Variants in PSPC1 observed in about 807,000 individuals in gnomAD.
The protein encoded by PSPC1 is paraspeckle component 1.
PSPC1 carries 14 observed loss-of-function variants against 51.6 expected under a neutral mutation model. The ratio of observed to expected loss-of-function variants is 0.27; its 90% CI spans 0.18 to 0.42. PSPC1 has a LOEUF of 0.42. Among genes scored for constraint, PSPC1 ranks in the 10% least tolerant of loss-of-function variants. The probability of loss-of-function intolerance (pLI) is 1.00; values close to 1 mark genes in which losing one functional copy is unlikely to be tolerated. For missense variants in PSPC1, 406 were observed against 701.1 expected (o/e 0.58, Z 4.75); for synonymous variants, 193 against 231.9 (o/e 0.83, Z 1.53).
intron 3 of PSPC1, 96 bp downstream of exon 3, chr13:19,759,227 A>G (rs1887384127): frequency 3.2e-6 from 3 of 931,010 alleles, no homozygotes; most frequent in Admixed American, 2.1e-5. Flanking sequence ...CAGATTATAT[A>G]AATAAACAGA....
At chr13:19,716,673 A>G (rs959059038) in intron 6 of PSPC1, among the ~76,000 whole-genome samples, 1 of 152,236 alleles carries the variant, frequency 6.6e-6, no homozygotes, top group African/African-American at 2.4e-5. Flanking sequence ...ATATAATTCT[A>G]GAGAAAAATA....
intron 1 of PSPC1, among the ~76,000 whole-genome samples, chr13:19,778,092 A>G (rs1250442962): frequency 6.6e-6 from 1 of 151,082 alleles, no homozygotes; most frequent in East Asian, 1.9e-4. Context: ...AAATACAAAA[A>G]TTAGCTGGGC....
chr13:19,732,570 A>G (rs1428781911), intron 5 of PSPC1, among the ~76,000 whole-genome samples: 20 of 152,312 alleles, frequency 1.3e-4, no homozygotes, highest in Admixed American at 1.1e-3. Flanking sequence ...ACATAACAGG[A>G]GTTCAGATCA....
chr13:19,780,182 AGGTGGGGGGGGTCAGCCCCCCCGCCC>A (rs1367637915), intron 1 of PSPC1, among the ~76,000 whole-genome samples: 20 of 86,916 alleles, frequency 2.3e-4, no homozygotes, highest in African/African-American at 7.6e-4. Context: ...TCCGGGAGGG[AGGTGGGGGGGGTCAGCCCCCCCGCCC>A]GGCCAGCCAC....
intron 1 of PSPC1, among the ~76,000 whole-genome samples, chr13:19,774,106 A>C (rs1297422112): frequency 6.6e-6 from 1 of 152,210 alleles, no homozygotes; most frequent in Non-Finnish European, 1.5e-5. Flanking sequence ...TAAACTAAAA[A>C]ATATGCTCAT....
chr13:19,742,846 C>G (rs1885572064), intron 4 of PSPC1, among the ~76,000 whole-genome samples: 3 of 152,170 alleles, frequency 2.0e-5, no homozygotes, highest in Non-Finnish European at 4.4e-5. Flanking sequence ...AAACAGGAAT[C>G]ATGACATAAA....
chr13:19,776,802 C>T (rs997645127), intron 1 of PSPC1, among the ~76,000 whole-genome samples: 1 of 151,250 alleles, frequency 6.6e-6, no homozygotes, highest in Non-Finnish European at 1.5e-5. Context: ...CCACCGCGCC[C>T]GGCCTACTAT....
At chr13:19,765,641 T>A (rs1888004490) in intron 2 of PSPC1, among the ~76,000 whole-genome samples, 1 of 151,852 alleles carries the variant, frequency 6.6e-6, no homozygotes, top group Admixed American at 6.6e-5. Flanking sequence ...TTAATTTTTT[T>A]AATTTTTCTT....
At chr13:19,763,667 G>A (rs926446639) in intron 2 of PSPC1, among the ~76,000 whole-genome samples, 1 of 152,082 alleles carries the variant, frequency 6.6e-6, no homozygotes, top group Non-Finnish European at 1.5e-5. Flanking sequence ...AGAAAGGTAG[G>A]GCACTTAGCA....
Position 19,741,677 on chromosome 13 carries a change from T to C in PSPC1, c.968-28A>G, listed in dbSNP as rs769190693. The C allele has an allele frequency of 3.1e-5, 45 of 1,434,478 alleles. No individual in the cohort carries two copies. In the East Asian group the frequency reaches 9.6e-4, roughly 31 times the overall value. 88.9% of individuals were successfully genotyped at this position (1,434,478 alleles called of 1,614,324 possible). A position where few individuals can be genotyped will look rare whatever the true frequency, so the allele number is the denominator to read the frequency against. On this transcript the variant is annotated intron_variant, in intron 4 of 8. Transcript: ENST00000338910. ...ATAAAATAATGACTGCACATTAATA[T>C]TTTTAGTTTCCCTTTCCATATTTTT...
At chr13:19,753,107 C>T (rs932692294) in intron 3 of PSPC1, among the ~76,000 whole-genome samples, 3 of 151,616 alleles carry the variant, frequency 2.0e-5, no homozygotes, top group South Asian at 2.1e-4. Context: ...ATGGCGAAAC[C>T]GCCCCTCTCT....
intron 5 of PSPC1, among the ~76,000 whole-genome samples, chr13:19,731,796 C>T (rs1278227299): frequency 1.3e-5 from 2 of 152,102 alleles, no homozygotes; most frequent in East Asian, 1.9e-4. Context: ...CTGGTAAACA[C>T]AATGCAAATA....
chr13:19,748,559 G>GAA (rs765723476), intron 4 of PSPC1, among the ~76,000 whole-genome samples: 81 of 152,282 alleles, frequency 5.3e-4, no homozygotes, highest in Non-Finnish European at 1.0e-3. Context: ...AGAAAAAACT[G>GAA]AAGTCTAAGG....
intron 6 of PSPC1, among the ~76,000 whole-genome samples, chr13:19,714,375 C>A (rs1881828395): frequency 6.6e-6 from 1 of 152,022 alleles, no homozygotes. Context: ...AATACATTAG[C>A]ATTTTGGATA....
At chr13:19,732,650 G>C (rs1033733140) in intron 5 of PSPC1, among the ~76,000 whole-genome samples, 1 of 152,182 alleles carries the variant, frequency 6.6e-6, no homozygotes, top group Non-Finnish European at 1.5e-5. Flanking sequence ...ACTTTTGGCA[G>C]GGCGCGGTGG....
chr13:19,758,053 G>A (rs965827644), intron 3 of PSPC1, among the ~76,000 whole-genome samples: 7 of 151,984 alleles, frequency 4.6e-5, no homozygotes, highest in Non-Finnish European at 8.8e-5. Flanking sequence ...GGTGGCTCAC[G>A]CCTGTAATCC....
At chr13:19,677,302 GT>G (rs756079176) in intron 7 of PSPC1, among the ~76,000 whole-genome samples, 1 of 151,806 alleles carries the variant, frequency 6.6e-6, no homozygotes, top group Non-Finnish European at 1.5e-5. Context: ...AGGTTTGGAG[GT>G]CATTAAAAAT....
chr13:19,688,810 A>G (rs1004499043), intron 6 of PSPC1, among the ~76,000 whole-genome samples: 3 of 152,170 alleles, frequency 2.0e-5, no homozygotes, highest in South Asian at 2.1e-4. Context: ...ATCTCTTGCA[A>G]TTAATTTATG....
intron 6 of PSPC1, among the ~76,000 whole-genome samples, chr13:19,714,469 A>C (rs1005644785): frequency 2.0e-5 from 3 of 151,894 alleles, no homozygotes; most frequent in Non-Finnish European, 4.4e-5. Flanking sequence ...AAATCCATTC[A>C]AAATTCAAAG....
Sources: allele counts gnomAD v4.1 joint callset (sites outside exome capture counted in the v4.1 genomes callset), GRCh38; gene constraint gnomAD v4.1.1; transcripts MANE v1.5; gene names NCBI Gene and HGNC (gene_info 2026-07-23, HGNC 2026-07-21).